MTCH2: variants seen among roughly 807,000 people sequenced by gnomAD.
MTCH2 encodes the protein mitochondrial carrier 2.
MTCH2 carries 25 observed loss-of-function variants against 50.6 expected under a neutral mutation model. The observed-to-expected ratio is 0.49, with a 90% CI of 0.36 to 0.69. MTCH2 has a LOEUF of 0.69. Among genes scored for constraint, MTCH2 ranks in the 30% least tolerant of loss-of-function variants. MTCH2 has a pLI of 0.00. For missense variants in MTCH2, 273 were observed against 384.4 expected (o/e 0.71, Z 2.42); for synonymous variants, 106 against 132.0 (o/e 0.80, Z 1.35).
chr11:47,638,291 G>A, intron 3 of MTCH2, among the ~76,000 whole-genome samples: 1 of 148,126 alleles, frequency 6.8e-6, no homozygotes, highest in Admixed American at 6.9e-5. Context: ...GCCGGGCGCG[G>A]TGGCTCATGC....
At chr11:47,615,374 T>C (rs1422385169), downstream of MTCH2, among the ~76,000 whole-genome samples, 1 of 152,192 alleles carries the variant, frequency 6.6e-6, no homozygotes, top group Non-Finnish European at 1.5e-5. Flanking sequence ...GATGTAGTTT[T>C]TGTCAGTTAG....
At chr11:47,620,947 G>T (rs933298260) in intron 12 of MTCH2, among the ~76,000 whole-genome samples, 1 of 152,186 alleles carries the variant, frequency 6.6e-6, no homozygotes, top group Non-Finnish European at 1.5e-5. Flanking sequence ...GTTGTTGTAA[G>T]CACCTACAGG....
Position 47,631,666 on chromosome 11 carries a change from G to T in MTCH2, c.415C>A (p.His139Asn), listed in dbSNP as rs1470242061. The change falls in exon 6 of 13, where the codon CAT (histidine) becomes AAT (asparagine). Residue 139 changes from histidine (H) to asparagine (N), a missense_variant. By Grantham distance (68) the His-to-Asn change is moderately conservative (BLOSUM62 1). Transcript: ENST00000302503. ...IARSAATLIT[H>N]PFHVITLRSM... ...ACTGCAAACATACCATGGAAGGGAT[G>T]TGTGATGAGGGTAGCAGCAGAACGA... 5.6e-6 allele frequency: 9 copies of T among 1,614,098 alleles called. No individual in the cohort carries two copies. Among genetic ancestry groups the T allele is most frequent in the Non-Finnish European group, 6.8e-6 (8 of 1,179,998 alleles).
At chr11:47,638,545 CAAAAAA>C (rs59317101) in intron 3 of MTCH2, among the ~76,000 whole-genome samples, 148 bp downstream of exon 3, 1 of 53,068 alleles carries the variant, frequency 1.9e-5, no homozygotes, top group Non-Finnish European at 3.2e-5. Context: ...GACTCCATCT[CAAAAAA>C]AAAAAAAAAA....
intron 5 of MTCH2, among the ~76,000 whole-genome samples, chr11:47,633,526 A>ATATATATATATATATATATATATATTTTT (rs1378774715): frequency 2.9e-5 from 1 of 35,078 alleles, no homozygotes; most frequent in Non-Finnish European, 5.9e-5. Context: ...ATATATATAT[A>ATATATATATATATATATATATATATTTTT]TTTTTTTTTT....
chr11:47,633,915 C>CAA (rs1167753289), intron 5 of MTCH2, among the ~76,000 whole-genome samples: 5 of 152,020 alleles, frequency 3.3e-5, no homozygotes, highest in African/African-American at 1.2e-4. Flanking sequence ...AATGTGAAGA[C>CAA]TTAAGTAATA....
At chr11:47,614,438 A>G (rs1415699267), downstream of MTCH2, among the ~76,000 whole-genome samples, 3 of 152,120 alleles carry the variant, frequency 2.0e-5, no homozygotes, top group Non-Finnish European at 4.4e-5. Flanking sequence ...ATGACCACCT[A>G]CAATTACTAC....
the MTCH2 span, among the ~76,000 whole-genome samples, chr11:47,605,946 A>G: frequency 9.2e-5 from 14 of 152,194 alleles, no homozygotes; most frequent in Non-Finnish European, 2.1e-4. Context: ...TCTCAAATCC[A>G]TGGTTTAATG....
Position 47,635,530 on chromosome 11 carries a change from T to C in MTCH2, c.306+15A>G, listed in dbSNP as rs1475833909. 6.2e-7 allele frequency: 1 copy of C among 1,613,290 alleles called. No individual in the cohort carries two copies. Among genetic ancestry groups the C allele is most frequent in the South Asian group, 1.1e-5 (1 of 91,076 alleles). The stretch of plus-strand genomic sequence containing the variant: ...AGGGAAAGGCCCTCATGCTTAGAAA[T>C]CAGCTCCAACATACCTCACCCTTGT... On this transcript the variant is annotated intron_variant, in intron 4 of 12. Coordinates refer to ENST00000302503, the MANE Select transcript of MTCH2 (RefSeq NM_014342.4).
chr11:47,615,642 T>A (rs2153797694), downstream of MTCH2, among the ~76,000 whole-genome samples: 1 of 152,180 alleles, frequency 6.6e-6, no homozygotes, highest in Non-Finnish European at 1.5e-5. Context: ...TTGCTTTTTT[T>A]TTTTTTTGAG....
downstream of MTCH2, among the ~76,000 whole-genome samples, chr11:47,616,928 C>T (rs148455005): frequency 8.9e-3 from 1,358 of 152,296 alleles, 23 homozygotes; most frequent in African/African-American, 0.031. Context: ...AGGTGAACCA[C>T]CTGCCTCGGC....
In MTCH2 at chr11:47,631,668, G is replaced by A; in HGVS notation, c.413C>T (p.Thr138Ile). The part of the protein sequence containing the change: ...MIARSAATLI[T>I]HPFHVITLRS... ...TGCAAACATACCATGGAAGGGATGT[G>A]TGATGAGGGTAGCAGCAGAACGAGC... Residue 138 changes from threonine (T) to isoleucine (I), a missense_variant, in exon 6 of 13, where the codon ACA (threonine) becomes ATA (isoleucine). By Grantham distance (89) the Thr-to-Ile change is moderately conservative (BLOSUM62 -1). Around this residue, in one of 2 missense-constraint regions of MTCH2, gnomAD observed 203 missense variants for 244.3 expected, o/e 0.83. Coordinates refer to ENST00000302503, the MANE Select transcript of MTCH2 (RefSeq NM_014342.4). The A allele has an allele frequency of 6.2e-7, 1 of 1,614,154 alleles. No individual in the cohort carries two copies. Among genetic ancestry groups the A allele is most frequent in the South Asian group, 1.1e-5 (1 of 91,090 alleles).
In MTCH2 at chr11:47,618,745, C is replaced by T. The variant is rs544934628; in HGVS notation, c.*88G>A. 53 of 1,282,570 alleles carry T rather than the reference C, an allele frequency of 4.1e-5. 1 individual carries two copies. Among genetic ancestry groups the T allele is most frequent in the African/African-American group, 2.9e-4 (20 of 67,930 alleles). 79.4% of individuals were successfully genotyped at this position (1,282,570 alleles called of 1,614,324 possible). On this transcript the variant is annotated 3_prime_UTR_variant, in exon 13 of 13. Coordinates refer to ENST00000302503, the MANE Select transcript of MTCH2 (RefSeq NM_014342.4). ...CAAGATTAAATGATTATTAAAAAAG[C>T]GCGCCACACTGTATAGAAATCAACA...
At chr11:47,634,143 A>G (rs1025981545) in intron 5 of MTCH2, among the ~76,000 whole-genome samples, 1 of 152,118 alleles carries the variant, frequency 6.6e-6, no homozygotes, top group Non-Finnish European at 1.5e-5. Flanking sequence ...TGGCACAATC[A>G]TAGCTCACTG....
At chr11:47,636,139 A>AG (rs1168385275) in intron 3 of MTCH2, among the ~76,000 whole-genome samples, 2 of 151,918 alleles carry the variant, frequency 1.3e-5, no homozygotes, top group Non-Finnish European at 2.9e-5. Flanking sequence ...AGAAAAAAAA[A>AG]AAGAAAAGGG....
the MTCH2 span, among the ~76,000 whole-genome samples, chr11:47,606,387 T>A: frequency 9.9e-5 from 15 of 152,208 alleles, no homozygotes; most frequent in African/African-American, 3.6e-4. Flanking sequence ...CAGCAATATC[T>A]TTTATTGTCT....
the MTCH2 span, among the ~76,000 whole-genome samples, chr11:47,611,566 C>T: frequency 6.6e-6 from 1 of 152,246 alleles, no homozygotes; most frequent in Admixed American, 6.5e-5. Flanking sequence ...CTTGGCGAGG[C>T]AGAGGCTGGT....
At chr11:47,619,569 A>G (rs1024307205) in intron 12 of MTCH2, among the ~76,000 whole-genome samples, 2 of 152,132 alleles carry the variant, frequency 1.3e-5, no homozygotes, top group African/African-American at 4.8e-5. Flanking sequence ...TCATGTTTCT[A>G]AGGACTACTT....
downstream of MTCH2, among the ~76,000 whole-genome samples, chr11:47,616,139 A>G (rs1288388419): frequency 1.3e-5 from 2 of 151,318 alleles, no homozygotes; most frequent in East Asian, 3.9e-4. Context: ...TCCTCCCTTT[A>G]TTTCTTTAAA....
Sources: gnomAD v4.1 joint callset for allele counts (sites outside exome capture counted in the v4.1 genomes callset) on GRCh38, gnomAD v4.1.1 for gene constraint, gnomAD v4.1.1 regional missense constraint, MANE v1.5 for transcripts, NCBI Gene and HGNC (gene_info 2026-07-23, HGNC 2026-07-21) for gene names.